Variants in EYS observed in about 807,000 individuals in gnomAD.
EYS encodes the protein EGF-like photoreceptor maintenance factor, also known as protein eyes shut homolog.
EYS carries 250 observed loss-of-function variants against 282.1 expected under a neutral mutation model. The observed-to-expected ratio is 0.89, with a 90% CI of 0.80 to 0.98. EYS has a LOEUF of 0.98. Ranked by LOEUF, EYS falls within the 50% of genes least tolerant of loss-of-function variation. The pLI is 0.00. For synonymous variants in EYS, 1,355 were observed against 1,282.9 expected (o/e 1.06, Z -1.20); for missense variants, 4,016 against 3,709.0 (o/e 1.08, Z -2.15).
At chr6:64,884,797 A>G (rs887824370) in intron 19 of EYS, among the ~76,000 whole-genome samples, 1 of 151,664 alleles carries the variant, frequency 6.6e-6, no homozygotes, top group African/African-American at 2.4e-5. Context: ...CACATATTTC[A>G]TAATATTTTT....
chr6:64,718,656 T>C (rs1771475016), intron 22 of EYS, among the ~76,000 whole-genome samples: 1 of 152,204 alleles, frequency 6.6e-6, no homozygotes, highest in Admixed American at 6.5e-5. Flanking sequence ...CACAGCATAA[T>C]TGACTGTATC....
At chr6:64,636,199 G>C (rs568063987) in intron 22 of EYS, among the ~76,000 whole-genome samples, 2 of 152,136 alleles carry the variant, frequency 1.3e-5, no homozygotes, top group South Asian at 2.1e-4. Context: ...ATACTACAAG[G>C]CTACAGTAAC....
At chr6:64,202,448 TA>T (rs1765486517) in intron 31 of EYS, among the ~76,000 whole-genome samples, 1 of 152,198 alleles carries the variant, frequency 6.6e-6, no homozygotes, top group Non-Finnish European at 1.5e-5. Context: ...AAGAAACAAT[TA>T]TTTTTTACTT....
At chr6:63,848,093 G>T (rs776562559) in intron 36 of EYS, among the ~76,000 whole-genome samples, 5 of 151,988 alleles carry the variant, frequency 3.3e-5, no homozygotes, top group Non-Finnish European at 7.4e-5. Flanking sequence ...ACCTTATTTT[G>T]TTCTTACTGT....
At chr6:64,922,847 G>A (rs1054046771) in intron 15 of EYS, among the ~76,000 whole-genome samples, 3 of 152,158 alleles carry the variant, frequency 2.0e-5, no homozygotes, top group Non-Finnish European at 4.4e-5. Flanking sequence ...CTGGAACGGA[G>A]GACACAGAGC....
chr6:65,554,460 T>G (rs1221856553), intron 2 of EYS, among the ~76,000 whole-genome samples: 1 of 152,170 alleles, frequency 6.6e-6, no homozygotes, highest in East Asian at 1.9e-4. Flanking sequence ...CCCTTTTCTT[T>G]TAAGAATCCT....
chr6:64,243,161 T>A (rs1766892032), intron 30 of EYS, among the ~76,000 whole-genome samples: 1 of 151,720 alleles, frequency 6.6e-6, no homozygotes, highest in African/African-American at 2.4e-5. Context: ...TTTTTATTCA[T>A]ATCCTCCTCC....
At chr6:64,770,140 A>G (rs1174843202) in intron 22 of EYS, among the ~76,000 whole-genome samples, 1 of 151,944 alleles carries the variant, frequency 6.6e-6, no homozygotes, top group African/African-American at 2.4e-5. Context: ...ATTAGCAAGG[A>G]GTAGGAAAGC....
At chr6:64,223,519 G>A (rs1236295241) in intron 31 of EYS, among the ~76,000 whole-genome samples, 1 of 151,894 alleles carries the variant, frequency 6.6e-6, no homozygotes, top group East Asian at 1.9e-4. Flanking sequence ...GAAAAACTCT[G>A]GGGGACACAT....
chr6:65,384,375 A>T lies in EYS; in HGVS notation c.1299+11T>A, dbSNP rs201364958. ...GGGCTAACTTATGTTGCCATGTATT[A>T]AATTACTTACTTTGAATCTTCCAAT... is the stretch of plus-strand genomic sequence containing the variant. On this transcript the variant is annotated intron_variant, in intron 8 of 42. Transcript: ENST00000503581. 76 of 1,478,206 alleles carry T rather than the reference A, an allele frequency of 5.1e-5. No individual in the cohort carries two copies. Among genetic ancestry groups the T allele is most frequent in the Non-Finnish European group, 9.4e-6 (10 of 1,059,748 alleles). 91.6% of individuals were successfully genotyped at this position (1,478,206 alleles called of 1,614,324 possible).
At chr6:64,893,735 G>T (rs1034677957) in intron 18 of EYS, among the ~76,000 whole-genome samples, 5 of 149,898 alleles carry the variant, frequency 3.3e-5, no homozygotes, top group Non-Finnish European at 6.0e-5. Flanking sequence ...ACTCATCTTA[G>T]TATTGTTTCA....
At chr6:64,898,818 G>A (rs758581261) in intron 18 of EYS, among the ~76,000 whole-genome samples, 1 of 151,130 alleles carries the variant, frequency 6.6e-6, no homozygotes, top group African/African-American at 2.4e-5. Context: ...CCTAGTCTCT[G>A]ACAAAACAGA....
intron 1 of EYS, among the ~76,000 whole-genome samples, chr6:65,678,980 T>A (rs557983410): frequency 6.6e-6 from 1 of 151,930 alleles, no homozygotes; most frequent in Non-Finnish European, 1.5e-5. Context: ...AGTAAGGATG[T>A]GATAATAATA....
chr6:64,216,344 A>G (rs1765926543), intron 31 of EYS, among the ~76,000 whole-genome samples: 1 of 152,220 alleles, frequency 6.6e-6, no homozygotes, highest in African/African-American at 2.4e-5. Flanking sequence ...ATTCTCTACA[A>G]TTCCAAACAG....
At chr6:63,920,157 CT>C (rs56324680) in intron 35 of EYS, among the ~76,000 whole-genome samples, 64 of 148,494 alleles carry the variant, frequency 4.3e-4, no homozygotes, top group East Asian at 3.0e-3. Context: ...ATTCCAAAGC[CT>C]TTTTTTTTTA....
At chr6:64,804,792 T>G (rs942668674) in intron 22 of EYS, among the ~76,000 whole-genome samples, 9 of 152,132 alleles carry the variant, frequency 5.9e-5, no homozygotes, top group Non-Finnish European at 1.2e-4. Flanking sequence ...CAAATATATT[T>G]TAATATACAT....
intron 22 of EYS, among the ~76,000 whole-genome samples, chr6:64,714,968 A>G (rs7760738): frequency 0.039 from 5,902 of 152,082 alleles, 246 homozygotes; most frequent in East Asian, 0.14. Flanking sequence ...GCCTTTTTCT[A>G]GATGTGTTAA....
chr6:64,474,582 C>T (rs753046893), intron 26 of EYS, among the ~76,000 whole-genome samples: 1 of 152,136 alleles, frequency 6.6e-6, no homozygotes, highest in Non-Finnish European at 1.5e-5. Context: ...CTTTTCACTT[C>T]CTGCTATTAA....
intron 14 of EYS, among the ~76,000 whole-genome samples, chr6:64,987,457 A>G (rs750241537): frequency 6.6e-6 from 1 of 151,548 alleles, no homozygotes; most frequent in African/African-American, 2.4e-5. Flanking sequence ...ATATGCATGC[A>G]GTTTATAACT....
Sources: allele counts gnomAD v4.1 joint callset (sites outside exome capture counted in the v4.1 genomes callset), GRCh38; gene constraint gnomAD v4.1.1; transcripts MANE v1.5; gene names NCBI Gene and HGNC (gene_info 2026-07-23, HGNC 2026-07-21).